The following STK35 variants were observed in gnomAD, a reference collection of about 807,000 sequenced individuals.
STK35 encodes the protein serine/threonine kinase 35, also known as serine/threonine-protein kinase 35.
STK35 carries 17 observed loss-of-function variants against 37.3 expected under a neutral mutation model. The ratio of observed to expected loss-of-function variants is 0.46; its 90% CI spans 0.31 to 0.68. The LOEUF (loss-of-function observed/expected upper bound fraction) is 0.68. Among genes scored for constraint, STK35 ranks in the 30% least tolerant of loss-of-function variants. STK35 has a pLI of 0.05. For missense variants in STK35, 595 were observed against 746.7 expected, an observed-to-expected ratio of 0.80 and a Z score of 2.37; for synonymous variants, 385 against 319.1, an observed-to-expected ratio of 1.21 and a Z score of -2.20.
At position 2,116,965 on chromosome 20, in the gene STK35, G is replaced by C. The variant is rs1471911562; in HGVS notation, c.1192G>C (p.Gly398Arg). ...TGGGCTGGCACCCCGAGGCAAAGAGGGCAATCAAGACAACAAAAATGTGAA... is the reference window on the plus strand; with the variant it reads ...TGGGCTGGCACCCCGAGGCAAAGAGCGCAATCAAGACAACAAAAATGTGAA... ...CAGLAPRGKE[G>R]NQDNKNVNVN... The change falls in exon 3 of 4, where the codon GGC becomes CGC. Residue 398 changes from glycine to arginine, a missense_variant. Gly to Arg is a moderately radical substitution (Grantham distance 125, BLOSUM62 -2). Around this residue, in one of 3 missense-constraint regions of STK35, gnomAD observed 109 missense variants for 280.3 expected, o/e 0.39. Coordinates refer to ENST00000381482, the MANE Select transcript of STK35 (RefSeq NM_080836.4). 1 of 1,614,102 alleles carries C rather than the reference G, an allele frequency of 6.2e-7. No homozygotes were observed. Among genetic ancestry groups the C allele is most frequent in the Middle Eastern group, 1.6e-4 (1 of 6,062 alleles).
intron 2 of STK35, among the ~76,000 whole-genome samples, chr20:2,107,496 G>C (rs896296667): frequency 6.6e-6 from 1 of 152,198 alleles, no homozygotes. Flanking sequence ...GCCATGCAGA[G>C]TTTTTCTCCA....
chr20:2,142,269 C>T (rs1490145189), intron 3 of STK35, among the ~76,000 whole-genome samples: 4 of 152,014 alleles, frequency 2.6e-5, no homozygotes, highest in African/African-American at 7.3e-5. Flanking sequence ...ACCAAGAGTC[C>T]CCAGTGCTCA....
At chr20:2,139,693 G>A (rs903736866) in intron 3 of STK35, among the ~76,000 whole-genome samples, 2 of 152,154 alleles carry the variant, frequency 1.3e-5, no homozygotes, top group Non-Finnish European at 2.9e-5. Context: ...TAAAACACTC[G>A]ATCCTTTAAC....
intron 3 of STK35, among the ~76,000 whole-genome samples, chr20:2,134,922 A>G (rs987171048): frequency 5.3e-5 from 8 of 152,144 alleles, no homozygotes; most frequent in Non-Finnish European, 1.2e-4. Context: ...TGCCTGGGAT[A>G]TGCATTAAAC....
chr20:2,127,609 T>C (rs1985928246), intron 3 of STK35, among the ~76,000 whole-genome samples: 1 of 152,300 alleles, frequency 6.6e-6, no homozygotes, highest in Non-Finnish European at 1.5e-5. Context: ...GTGCCTAAAC[T>C]GAAATCCAGA....
intron 3 of STK35, among the ~76,000 whole-genome samples, chr20:2,130,340 G>A (rs955493255): frequency 2.0e-5 from 3 of 152,152 alleles, no homozygotes; most frequent in African/African-American, 7.2e-5. Flanking sequence ...CTGCGTTCAT[G>A]GCTGAGTCTT....
chr20:2,102,023 G>A lies in STK35; in HGVS notation c.142G>A (p.Ala48Thr). 1 of 1,527,616 alleles carries A rather than the reference G, an allele frequency of 6.5e-7. No individual in the cohort carries two copies. Among genetic ancestry groups the A allele is most frequent in the African/African-American group, 1.4e-5 (1 of 72,118 alleles). 94.6% of individuals were successfully genotyped at this position (1,527,616 alleles called of 1,614,324 possible). A position where few individuals can be genotyped will look rare whatever the true frequency, so the allele number is the denominator to read the frequency against. ...AGCCCAGGCTTCCCCAGCGAGCGCCGCGGCAGCAGAAGGATCCGCTACACG... is the reference window on the plus strand; with the variant it reads ...AGCCCAGGCTTCCCCAGCGAGCGCCACGGCAGCAGAAGGATCCGCTACACG... ...LGAQASPASA[A>T]AAEGSATRRA... is the part of the protein sequence containing the mutation. Residue 48 changes from alanine (A) to threonine (T), a missense_variant, in exon 1 of 4, where the codon GCG becomes ACG. Ala to Thr is a moderately conservative substitution (Grantham distance 58). Around this residue, in one of 3 missense-constraint regions of STK35, gnomAD observed 389 missense variants for 320.0 expected, o/e 1.22. Coordinates refer to ENST00000381482, the MANE Select transcript of STK35 (RefSeq NM_080836.4).
rs1985845439 is a variant in STK35 at position 2,122,994 on chromosome 20, C to T, written c.*37+5579C>T. On this transcript the variant is annotated intron_variant, in intron 3 of 3. Transcript: ENST00000381482. ...AGATGTTTAATAATTCCTAATGGCT[C>T]CTACCAGCTAGCCACAGCCTTTTAT... is the stretch of plus-strand genomic sequence containing the variant. 2.0e-5 allele frequency among the ~76,000 whole-genome samples: 3 copies of T among 152,170 alleles called. No homozygotes were observed. In the South Asian group the frequency reaches 6.2e-4, roughly 32 times the overall value.
chr20:2,117,177 A>G lies in STK35; in HGVS notation c.1404A>G (p.Lys468=). The G allele has an allele frequency of 1.2e-6, 2 of 1,614,158 alleles. No individual in the cohort carries two copies. Among genetic ancestry groups the G allele is most frequent in the Non-Finnish European group, 1.7e-6 (2 of 1,180,030 alleles). The stretch of plus-strand genomic sequence containing the variant: ...AGGAGCTCCTGGGGACCTACATTAA[A>G]CAGGGGACTGAGATCGTCCCTGTTG... ...TKKELLGTYI[K]QGTEIVPVGE... Residue 468 remains lysine (K), a synonymous_variant, in exon 3 of 4, where the codon AAA becomes AAG. Transcript: ENST00000381482. This position sits in a 1 kb window ranked among gnomAD's most constrained non-coding sequence, Gnocchi z 4.4.
At chr20:2,121,767 G>A (rs376858216) in intron 3 of STK35, among the ~76,000 whole-genome samples, 4 of 152,134 alleles carry the variant, frequency 2.6e-5, no homozygotes, top group African/African-American at 4.8e-5. Context: ...GGAGCCAGCC[G>A]TGGCATCATC....
intron 2 of STK35, among the ~76,000 whole-genome samples, chr20:2,115,527 A>G (rs1345603509): frequency 6.6e-6 from 1 of 152,080 alleles, no homozygotes; most frequent in Non-Finnish European, 1.5e-5. Flanking sequence ...GTGAGATAAA[A>G]CATCTGCCTT....
rs1423428876 is a variant in STK35 at position 2,103,372 on chromosome 20, G to A, written c.892+7G>A. ...GTGGAGACCTCGCTGAAAGGTAGGA[G>A]CACCGCGGGCCTTTCCACCCACGCA... On this transcript the variant is annotated splice_region_variant and intron_variant, in intron 2 of 3. Coordinates refer to ENST00000381482, the MANE Select transcript of STK35 (RefSeq NM_080836.4). 2 of 1,606,500 alleles carry A rather than the reference G, an allele frequency of 1.2e-6. No individual in the cohort carries two copies. The highest frequency in any genetic ancestry group is 1.7e-6 in the Non-Finnish European group (2 of 1,175,742).
At chr20:2,105,233 G>C (rs1156882807) in intron 2 of STK35, among the ~76,000 whole-genome samples, 2 of 151,590 alleles carry the variant, frequency 1.3e-5, no homozygotes, top group African/African-American at 4.8e-5. Context: ...TTACTTTGAA[G>C]TCTTTCTATT....
rs2122535620 is a variant in STK35 at position 2,103,441 on chromosome 20, TC to T, written c.892+78del. ...CTCCGGACGGCTTGGCCCACACTGTTCCTGGCCTTCCTAGGCCTCAGACCTG... is the reference window on the plus strand; with the variant it reads ...CTCCGGACGGCTTGGCCCACACTGTTCTGGCCTTCCTAGGCCTCAGACCTG... On this transcript the variant is annotated intron_variant, in intron 2 of 3. Coordinates refer to ENST00000381482, the MANE Select transcript of STK35 (RefSeq NM_080836.4). 6 of 1,410,794 alleles carry T rather than the reference TC, an allele frequency of 4.3e-6. No homozygotes were observed. The South Asian group carries it at 6.6e-5, about 15-fold the overall frequency. 87.4% of individuals were successfully genotyped at this position (1,410,794 alleles called of 1,614,324 possible).
Position 2,131,561 on chromosome 20 carries a change from CAGTG to C in STK35, c.*38-12215_*38-12212del, listed in dbSNP as rs528457507. ...GGACTAGAAGTTGCTCTGGGTGAGT[CAGTG>C]AGTGAGTAATGAGTCAGTGTGAAGG... is the stretch of plus-strand genomic sequence containing the variant. On this transcript the variant is annotated intron_variant, in intron 3 of 3. Coordinates refer to ENST00000381482, the MANE Select transcript of STK35 (RefSeq NM_080836.4). Among the ~76,000 whole-genome samples the C allele has an allele frequency of 7.8e-4, 118 of 152,166 alleles. 1 individual carries two copies. Among genetic ancestry groups the C allele is most frequent in the African/African-American group, 2.8e-3 (116 of 41,510 alleles).
Position 2,128,909 on chromosome 20 carries a change from C to T in STK35, c.*37+11494C>T, listed in dbSNP as rs6046940. Among the ~76,000 whole-genome samples, 441 of 152,154 alleles carry T rather than the reference C, an allele frequency of 2.9e-3. 1 individual carries two copies. The highest frequency in any genetic ancestry group is 9.7e-3 in the African/African-American group (401 of 41,508). On this transcript the variant is annotated intron_variant, in intron 3 of 3. Transcript: ENST00000381482. ...AGGCTGGAGTGCAGTGACACAATCT[C>T]GGCTCACTGGCTTCACGCGATTCTC...
chr20:2,124,041 G>GCCTA (rs962493961), intron 3 of STK35, among the ~76,000 whole-genome samples: 2 of 152,216 alleles, frequency 1.3e-5, no homozygotes, highest in Non-Finnish European at 2.9e-5. Context: ...AAGAGGTAAA[G>GCCTA]CCTAGCCTTG....
In STK35 at chr20:2,143,969, TTC is replaced by T. The variant is rs199733697; in HGVS notation, c.*224_*225del. 5,953 of 387,250 alleles carry T rather than the reference TTC, an allele frequency of 0.015. 74 individuals are homozygous for T. Among genetic ancestry groups the T allele is most frequent in the East Asian group, 0.08 (891 of 11,160 alleles). 24.0% of individuals were successfully genotyped at this position (387,250 alleles called of 1,614,324 possible). A position where few individuals can be genotyped will look rare whatever the true frequency, so the allele number is the denominator to read the frequency against. On this transcript the variant is annotated 3_prime_UTR_variant, in exon 4 of 4. Coordinates refer to ENST00000381482, the MANE Select transcript of STK35 (RefSeq NM_080836.4). ...TTTCCTTTTCTTTTCTTTTTTTTTT[TTC>T]CTCTTTCCTTTTTTTAAATTTAAAC...
rs750467838 is a variant in STK35 at position 2,102,856 on chromosome 20, C to A, written c.383C>A (p.Pro128His). 9.7e-6 allele frequency: 15 copies of A among 1,552,872 alleles called. No homozygotes were observed. Among genetic ancestry groups the A allele is most frequent in the Middle Eastern group, 1.8e-4 (1 of 5,594 alleles). The change falls in exon 2 of 4, where the codon CCC becomes CAC. Residue 128 changes from proline to histidine, a missense_variant. Physicochemically the swap from Pro to His is moderately conservative, Grantham distance 77 (BLOSUM62 -2). This residue lies in a region of STK35 where 389 missense variants were observed against 320.0 expected (regional missense o/e 1.22). Transcript: ENST00000381482. ...GGARAAPLLL[P>H]PPPAAMETGK... is the part of the protein sequence containing the mutation. ...GCCCGGGCAGCGCCGTTGCTGCTCC[C>A]CCCGCCGCCCGCAGCCATGGAAACG...
Sources: gnomAD v4.1 joint callset for allele counts (sites outside exome capture counted in the v4.1 genomes callset) on GRCh38, gnomAD v4.1.1 for gene constraint, gnomAD v4.1.1 regional missense constraint, Gnocchi (gnomAD v3.1) non-coding constraint, MANE v1.5 for transcripts, NCBI Gene and HGNC (gene_info 2026-07-23, HGNC 2026-07-21) for gene names.